Variants in MMP28 observed in about 807,000 individuals in gnomAD.
MMP28 encodes matrix metallopeptidase 28, also known as matrix metalloproteinase-28.
Under a neutral mutation model 60.5 loss-of-function variants are expected in MMP28, and 55 were observed. The ratio of observed to expected loss-of-function variants is 0.91; its 90% CI spans 0.73 to 1.14. MMP28 has a LOEUF of 1.14. Ranked by LOEUF, MMP28 falls within the 50% of genes most tolerant of loss-of-function variation. The pLI is 0.00. For synonymous variants in MMP28, 318 were observed against 312.5 expected (o/e 1.02, Z -0.18); for missense variants, 686 against 738.3 (o/e 0.93, Z 0.82).
At chr17:35,771,076 AAAC>A (rs773888341) in intron 4 of MMP28, among the ~76,000 whole-genome samples, 1 of 151,760 alleles carries the variant, frequency 6.6e-6, no homozygotes, top group African/African-American at 2.4e-5. Context: ...AACAACCACG[AAAC>A]AACAACAACA....
At chr17:35,759,190 G>C (rs1272913963) in intron 2 of MMP28, among the ~76,000 whole-genome samples, 1 of 152,180 alleles carries the variant, frequency 6.6e-6, no homozygotes, top group African/African-American at 2.4e-5. Context: ...AAATCAACCA[G>C]AGTGTGCAAT....
At chr17:35,757,439 A>G (rs1361659817) in intron 2 of MMP28, 2 of 152,174 alleles carry the variant, frequency 1.3e-5, no homozygotes, top group Non-Finnish European at 2.9e-5. Flanking sequence ...ATGAAGCCAC[A>G]ATGCCTGGAG....
At chr17:35,773,047 T>C in intron 4 of MMP28, 133 bp downstream of exon 4, 1 of 729,554 alleles carries the variant, frequency 1.4e-6, no homozygotes, top group Non-Finnish European at 2.2e-6. Context: ...ATGAGGAGAC[T>C]GAGGGTTCTC....
At position 35,782,051 on chromosome 17, in the gene MMP28, CTTT is replaced by C. The variant is rs1399946214; in HGVS notation, c.112-2731_112-2729del. Among the ~76,000 whole-genome samples the C allele has an allele frequency of 3.8e-5, 5 of 130,840 alleles. No individual in the cohort carries two copies. In the South Asian group the frequency reaches 9.9e-4, roughly 26 times the overall value. 85.8% of individuals were successfully genotyped at this position (130,840 alleles called of 152,430 possible). On this transcript the variant is annotated intron_variant, in intron 1 of 7. Transcript: ENST00000605424. Reference sequence around the variant, plus strand: ...CTTGCCTACCATGTTGTATTTCTCTCTTTTTTTTTTTTTTTTTTGAGACAGAGT... The same window carrying C: ...CTTGCCTACCATGTTGTATTTCTCTCTTTTTTTTTTTTTTTGAGACAGAGT...
Position 35,795,285 on chromosome 17 carries a change from C to A in MMP28, c.93G>T (p.Glu31Asp), listed in dbSNP as rs963801814. The A allele has an allele frequency of 1.4e-6, 2 of 1,460,364 alleles. No individual in the cohort carries two copies. Among genetic ancestry groups the A allele is most frequent in the South Asian group, 1.4e-5 (1 of 73,256 alleles). The allele number at this position is 1,460,364 out of a possible 1,614,324, so 90.5% of individuals were successfully genotyped here. Residue 31 changes from glutamate to aspartate, a missense_variant, in exon 1 of 8, where the codon GAG (glutamate) becomes GAT (aspartate). Physicochemically the swap from Glu to Asp is conservative, Grantham distance 45. Transcript: ENST00000605424. ...GGCGTACCTCCGCCTCCTTGCGCAG[C>A]TCCTGGCCTCCGCGCTCCGCGGGCT... ...DAQPAERGGQ[E>D]LRKEAEAFLE...
chr17:35,764,583 G>A (rs1325959127), downstream of MMP28: 1 of 1,593,672 alleles, frequency 6.3e-7, no homozygotes, highest in Admixed American at 1.7e-5. Flanking sequence ...GGATCACCCG[G>A]ATCTGGGTAA....
At chr17:35,784,656 G>A (rs1034552934) in intron 1 of MMP28, among the ~76,000 whole-genome samples, 1 of 152,166 alleles carries the variant, frequency 6.6e-6, no homozygotes, top group Non-Finnish European at 1.5e-5. Flanking sequence ...GGGATCCCAG[G>A]AGAAGACACA....
At chr17:35,794,474 G>C (rs537490377) in intron 1 of MMP28, among the ~76,000 whole-genome samples, 2 of 152,006 alleles carry the variant, frequency 1.3e-5, no homozygotes, top group Non-Finnish European at 2.9e-5. Flanking sequence ...TCGAACTCCT[G>C]ACCTAAGGTT....
downstream of MMP28, chr17:35,764,201 T>A (rs782108790): frequency 1.2e-5 from 19 of 1,547,502 alleles, no homozygotes; most frequent in Non-Finnish European, 1.7e-5. Flanking sequence ...CTCAGTGTCC[T>A]ACTGCCCGCT....
intron 6 of MMP28, 38 bp downstream of exon 6, chr17:35,768,192 G>A (rs780064742): frequency 9.0e-6 from 14 of 1,562,668 alleles, no homozygotes; most frequent in Non-Finnish European, 1.2e-5. Flanking sequence ...AGATATGGAA[G>A]GAGAGAAAGA....
Position 35,766,808 on chromosome 17 carries a change from C to CGGGA in MMP28, c.1254_1255insTCCC (p.Asp419SerfsTer47). The CGGGA allele has an allele frequency of 6.4e-7, 1 of 1,573,980 alleles. No individual in the cohort carries two copies. Among genetic ancestry groups the CGGGA allele is most frequent in the Non-Finnish European group, 8.6e-7 (1 of 1,160,478 alleles). On this transcript the variant is annotated frameshift_variant, in exon 8 of 8. Coordinates refer to ENST00000605424, the MANE Select transcript of MMP28 (RefSeq NM_024302.5). LOFTEE classifies it high-confidence loss of function. The surrounding 1 kb of genome is among the most constrained non-coding windows in gnomAD (Gnocchi z 4.3). ...AGAGGAGGGAAGAAGAGGGCGGCGTCAGGATGGCGGGGCAGGCCCCCTGCC... is the reference window on the plus strand; with the variant it reads ...AGAGGAGGGAAGAAGAGGGCGGCGTCGGGAAGGATGGCGGGGCAGGCCCCCTGCC...
At chr17:35,785,594 CCCA>C (rs2086623683) in intron 1 of MMP28, among the ~76,000 whole-genome samples, 1 of 151,914 alleles carries the variant, frequency 6.6e-6, no homozygotes, top group African/African-American at 2.4e-5. Flanking sequence ...ACTACAGGCG[CCCA>C]CCACCATGCC....
At chr17:35,793,195 T>C (rs571503521) in intron 1 of MMP28, among the ~76,000 whole-genome samples, 25 of 152,288 alleles carry the variant, frequency 1.6e-4, no homozygotes, top group Admixed American at 7.8e-4. Context: ...CTTCCCCAAA[T>C]TTATGTTAAA....
At chr17:35,779,481 A>G in intron 1 of MMP28, 158 bp from the exon 2 acceptor site, 1 of 609,930 alleles carries the variant, frequency 1.6e-6, no homozygotes, top group East Asian at 2.8e-5. Context: ...GATTAAAGTC[A>G]AAAGGACCTG....
Position 35,795,304 on chromosome 17 carries a change from G to A in MMP28, c.74C>T (p.Ala25Val), listed in dbSNP as rs1265628259. ...LLWGHLDAQP[A>V]ERGGQELRKE... ...GCGCAGCTCCTGGCCTCCGCGCTCC[G>A]CGGGCTGGGCGTCCAGGTGGCCCCA... Residue 25 changes from alanine (A) to valine (V), a missense_variant, in exon 1 of 8, where the codon GCG (alanine) becomes GTG (valine). Transcript: ENST00000605424. The A allele has an allele frequency of 6.8e-7, 1 of 1,464,376 alleles. No individual in the cohort carries two copies. The highest frequency in any genetic ancestry group is 1.3e-5 in the South Asian group (1 of 74,472). 90.7% of individuals were successfully genotyped at this position (1,464,376 alleles called of 1,614,324 possible). A position where few individuals can be genotyped will look rare whatever the true frequency, so the allele number is the denominator to read the frequency against.
chr17:35,770,382 A>C lies in MMP28; in HGVS notation c.605-70T>G, dbSNP rs2086095670. Reference sequence around the variant, plus strand: ...CCCCCAGGTACTCGCGGCCCAGCGCAAATGCCACTGGGGTGTGTGTGGCTG... The same window carrying C: ...CCCCCAGGTACTCGCGGCCCAGCGCCAATGCCACTGGGGTGTGTGTGGCTG... On this transcript the variant is annotated intron_variant, in intron 4 of 7. Transcript: ENST00000605424. 2.8e-6 allele frequency: 4 copies of C among 1,435,014 alleles called. No homozygotes were observed. The East Asian group carries it at 7.6e-5, about 27-fold the overall frequency. The allele number at this position is 1,435,014 out of a possible 1,614,324, so 88.9% of individuals were successfully genotyped here.
chr17:35,762,190 T>G (rs1273721609), downstream of MMP28, among the ~76,000 whole-genome samples: 1 of 152,018 alleles, frequency 6.6e-6, no homozygotes, highest in East Asian at 1.9e-4. Context: ...GGGTTTCTCC[T>G]TGTTGGTCAG....
rs527353780 is a variant in MMP28, at chr17:35,778,641, G to A, written c.379+247C>T. The A allele has an allele frequency of 1.4e-3, 1,162 of 835,374 alleles. 6 individuals are homozygous for A. The highest frequency in any genetic ancestry group is 0.013 in the Middle Eastern group (37 of 2,764). 51.7% of individuals were successfully genotyped at this position (835,374 alleles called of 1,614,324 possible). ...TGAAAATTTATCAAGGAATTACATG[G>A]GTTTTGTGTTTGATCTGGAAAAACA... On this transcript the variant is annotated intron_variant, in intron 3 of 7. Transcript: ENST00000605424.
chr17:35,767,855 G>A lies in MMP28; in HGVS notation c.1065C>T (p.Asn355=), dbSNP rs376963669. 47 of 1,610,090 alleles carry A rather than the reference G, an allele frequency of 2.9e-5. No individual in the cohort carries two copies. Among genetic ancestry groups the A allele is most frequent in the African/African-American group, 2.4e-4 (18 of 74,730 alleles). ...SHFWEVAADG[N]VSEPRPLQER... is the part of the protein sequence containing the mutation. ...CCTGCAGTGGACGGGGCTCTGAGAC[G>A]TTGCCATCAGCTGCCACCTCCCAGA... The change falls in exon 7 of 8, where the codon AAC becomes AAT. Residue 355 remains asparagine (N), a synonymous_variant. Transcript: ENST00000605424.
Sources: allele counts gnomAD v4.1 joint callset (sites outside exome capture counted in the v4.1 genomes callset), GRCh38; gene constraint gnomAD v4.1.1; non-coding constraint Gnocchi (gnomAD v3.1); transcripts MANE v1.5; gene names NCBI Gene and HGNC (gene_info 2026-07-23, HGNC 2026-07-21).